The following CHN1 variants were observed in gnomAD, a reference collection of about 807,000 sequenced individuals.
CHN1 encodes the protein chimerin 1.
CHN1 carries 37 observed loss-of-function variants against 59.5 expected under a neutral mutation model. That is an observed-to-expected ratio of 0.62 (90% CI 0.48 to 0.82). The LOEUF (loss-of-function observed/expected upper bound fraction) is 0.82. Among genes scored for constraint, CHN1 ranks in the 40% least tolerant of loss-of-function variants. CHN1 has a pLI of 0.00. For synonymous variants in CHN1, 206 were observed against 200.4 expected, an observed-to-expected ratio of 1.03 and a Z score of -0.24; for missense variants, 469 against 571.0, an observed-to-expected ratio of 0.82 and a Z score of 1.82.
chr2:174,964,653 C>CT (rs1382617795), intron 1 of CHN1, among the ~76,000 whole-genome samples: 1 of 152,204 alleles, frequency 6.6e-6, no homozygotes, highest in African/African-American at 2.4e-5. Context: ...AATTCCCCCT[C>CT]AGAATCCCTG....
intron 3 of CHN1, among the ~76,000 whole-genome samples, chr2:174,937,297 T>C (rs1284373333): frequency 1.3e-5 from 2 of 152,330 alleles, no homozygotes; most frequent in Non-Finnish European, 1.5e-5. Flanking sequence ...TATGTTCCCT[T>C]TGAGCCTGGC....
At position 175,005,124 on chromosome 2, in the gene CHN1, G is replaced by T; in HGVS notation, c.-212C>A. ...CACGCGTTATTGTCGGGCGCACCGG[G>T]CCCAGGGAGCCCCGCTAGCTCTCCG... On this transcript the variant is annotated 5_prime_UTR_variant, in exon 1 of 13. Coordinates refer to ENST00000409900, the MANE Select transcript of CHN1 (RefSeq NM_001822.7). 6.9e-6 allele frequency: 9 copies of T among 1,310,422 alleles called. No individual in the cohort carries two copies. The highest frequency in any genetic ancestry group is 8.8e-6 in the Non-Finnish European group (9 of 1,027,816). The allele number at this position is 1,310,422 out of a possible 1,614,324, so 81.2% of individuals were successfully genotyped here.
chr2:174,857,955 A>T (rs994241430), intron 6 of CHN1, among the ~76,000 whole-genome samples: 1 of 152,162 alleles, frequency 6.6e-6, no homozygotes, highest in Non-Finnish European at 1.5e-5. Flanking sequence ...AAAAAATACA[A>T]CTAAAAGGCA....
intron 5 of CHN1, among the ~76,000 whole-genome samples, chr2:174,914,677 T>C (rs1440723691): frequency 2.0e-5 from 3 of 151,854 alleles, no homozygotes; most frequent in Admixed American, 6.6e-5. Flanking sequence ...ACCCCGTCTC[T>C]ACTAAAAATG....
chr2:174,868,697 G>C (rs1687306222), intron 6 of CHN1, among the ~76,000 whole-genome samples: 1 of 152,234 alleles, frequency 6.6e-6, no homozygotes, highest in Admixed American at 6.5e-5. Flanking sequence ...TCCACCCATG[G>C]GAGGCTGCTA....
intron 1 of CHN1, among the ~76,000 whole-genome samples, chr2:174,997,035 T>C (rs1177360517): frequency 6.6e-6 from 1 of 152,228 alleles, no homozygotes; most frequent in African/African-American, 2.4e-5. Context: ...TGGCACATTA[T>C]ACATGTTTTA....
chr2:174,955,389 G>C (rs1245388891), intron 1 of CHN1, among the ~76,000 whole-genome samples: 3 of 151,898 alleles, frequency 2.0e-5, no homozygotes, highest in Non-Finnish European at 2.9e-5. Context: ...CTCAGGAATG[G>C]AAAACCAAAC....
rs186652983 is a variant in CHN1 at position 174,843,099 on chromosome 2, T to C, written c.627+3781A>G. 3.0e-3 allele frequency among the ~76,000 whole-genome samples: 455 copies of C among 152,330 alleles called. 3 individuals are homozygous for C. Among genetic ancestry groups the C allele is most frequent in the South Asian group, 0.012 (57 of 4,826 alleles). ...ATTATAATATTGTATCTGCTCTTGATTTTATTTTATAGAGCTATCTGAATT... is the reference window on the plus strand; with the variant it reads ...ATTATAATATTGTATCTGCTCTTGACTTTATTTTATAGAGCTATCTGAATT... On this transcript the variant is annotated intron_variant, in intron 7 of 12. Transcript: ENST00000409900.
At chr2:174,976,150 AAAAAG>A (rs1184956825) in intron 1 of CHN1, among the ~76,000 whole-genome samples, 18 of 151,384 alleles carry the variant, frequency 1.2e-4, no homozygotes, top group African/African-American at 3.9e-4. Flanking sequence ...AAAAAAAAAA[AAAAAG>A]GACTAAGATT....
chr2:174,959,728 C>T (rs141997834), intron 1 of CHN1, among the ~76,000 whole-genome samples: 150 of 152,240 alleles, frequency 9.9e-4, no homozygotes, highest in Non-Finnish European at 1.7e-3. Flanking sequence ...AAAGCTTCTG[C>T]GTTTATCAGG....
chr2:174,911,143 C>T (rs964401816), intron 5 of CHN1, among the ~76,000 whole-genome samples: 1 of 151,956 alleles, frequency 6.6e-6, no homozygotes, highest in African/African-American at 2.4e-5. Context: ...GAAAAATGGC[C>T]CATAGAAAAT....
At chr2:174,839,127 T>C (rs1475905361) in intron 7 of CHN1, among the ~76,000 whole-genome samples, 1 of 152,158 alleles carries the variant, frequency 6.6e-6, no homozygotes, top group African/African-American at 2.4e-5. Context: ...CATTGTGAAA[T>C]GGCTAAATTG....
chr2:174,812,563 G>A (rs1256182530), intron 8 of CHN1, 81 bp from the exon 9 acceptor site: 11 of 1,353,994 alleles, frequency 8.1e-6, no homozygotes, highest in Non-Finnish European at 1.1e-5. Context: ...TTTAGCAAAA[G>A]GCACTCCAGC....
At chr2:174,859,572 A>G (rs1254294482) in intron 6 of CHN1, among the ~76,000 whole-genome samples, 1 of 152,216 alleles carries the variant, frequency 6.6e-6, no homozygotes, top group Admixed American at 6.5e-5. Flanking sequence ...AATCAGTAGC[A>G]CTTAGAGCTT....
chr2:174,811,305 T>C, intron 10 of CHN1: 1 of 490,922 alleles, frequency 2.0e-6, no homozygotes, highest in South Asian at 3.2e-5. Context: ...CATAGTTTAA[T>C]TTTATACTTC....
chr2:174,977,308 T>C (rs1249174832), intron 1 of CHN1, among the ~76,000 whole-genome samples: 1 of 152,224 alleles, frequency 6.6e-6, no homozygotes, highest in African/African-American at 2.4e-5. Context: ...ATTTCTTCTA[T>C]ATAATCAATT....
At chr2:174,818,623 T>C (rs565676792) in intron 8 of CHN1, among the ~76,000 whole-genome samples, 6 of 132,768 alleles carry the variant, frequency 4.5e-5, no homozygotes, top group African/African-American at 2.6e-4. Context: ...ATGTTACTAT[T>C]AAACCACATT....
chr2:174,848,391 G>A (rs1275965395), intron 6 of CHN1, among the ~76,000 whole-genome samples: 6 of 132,960 alleles, frequency 4.5e-5, no homozygotes, highest in Non-Finnish European at 8.6e-5. Flanking sequence ...CTTGACTTAG[G>A]AGCAATACCT....
chr2:174,869,862 G>C (rs915854648), intron 6 of CHN1, among the ~76,000 whole-genome samples: 1 of 152,086 alleles, frequency 6.6e-6, no homozygotes, highest in Non-Finnish European at 1.5e-5. Flanking sequence ...ATCCCTTCCT[G>C]TTTAGTGGGT....
Sources: gnomAD v4.1 joint callset for allele counts (sites outside exome capture counted in the v4.1 genomes callset) on GRCh38, gnomAD v4.1.1 for gene constraint, MANE v1.5 for transcripts, NCBI Gene and HGNC (gene_info 2026-07-23, HGNC 2026-07-21) for gene names.